Variants in CAMKMT observed in about 807,000 individuals in gnomAD.
The protein encoded by CAMKMT is CaM KMT.
Under a neutral mutation model 48.0 loss-of-function variants are expected in CAMKMT, and 53 were observed. The observed-to-expected ratio is 1.10, with a 90% CI of 0.89 to 1.39. The LOEUF (loss-of-function observed/expected upper bound fraction) is 1.39, where lower values mean the gene tolerates loss of function less well. CAMKMT is among the 40% of genes most tolerant of loss of function. CAMKMT has a pLI of 0.00. For missense variants in CAMKMT, 428 were observed against 402.7 expected (o/e 1.06, Z -0.54); for synonymous variants, 165 against 152.3 (o/e 1.08, Z -0.61).
At chr2:44,700,954 A>G (rs1360432099) in intron 3 of CAMKMT, among the ~76,000 whole-genome samples, 1 of 152,202 alleles carries the variant, frequency 6.6e-6, no homozygotes, top group African/African-American at 2.4e-5. Flanking sequence ...AGTCCCATCT[A>G]TGTTGTAGCA....
At chr2:44,704,799 C>G (rs1414339440) in intron 4 of CAMKMT, among the ~76,000 whole-genome samples, 1 of 151,898 alleles carries the variant, frequency 6.6e-6, no homozygotes, top group Non-Finnish European at 1.5e-5. Flanking sequence ...CCATCCCACC[C>G]CTGGTTTTAA....
chr2:44,439,850 G>A (rs934638533), intron 3 of CAMKMT, among the ~76,000 whole-genome samples: 1 of 151,814 alleles, frequency 6.6e-6, no homozygotes, highest in African/African-American at 2.4e-5. Flanking sequence ...ATGCTGGGAG[G>A]ACTTACATCC....
intron 3 of CAMKMT, among the ~76,000 whole-genome samples, chr2:44,423,653 G>T (rs1400350972): frequency 7.9e-5 from 12 of 152,174 alleles, no homozygotes; most frequent in African/African-American, 2.7e-4. Context: ...TGAACTGCTG[G>T]AGAGCAGGAA....
chr2:44,746,728 A>G (rs1371771542), intron 8 of CAMKMT, among the ~76,000 whole-genome samples: 2 of 152,106 alleles, frequency 1.3e-5, no homozygotes, highest in African/African-American at 2.4e-5. Context: ...ACAGGTGTAG[A>G]AAAAAAACCT....
chr2:44,588,051 G>T (rs1336421657), intron 3 of CAMKMT, among the ~76,000 whole-genome samples: 1 of 142,470 alleles, frequency 7.0e-6, no homozygotes, highest in Admixed American at 7.1e-5. Context: ...CTTCCCCGCC[G>T]CCCATCGTCT....
intron 3 of CAMKMT, among the ~76,000 whole-genome samples, chr2:44,619,033 C>A (rs1408115348): frequency 2.6e-5 from 4 of 152,074 alleles, no homozygotes; most frequent in East Asian, 1.9e-4. Context: ...TATTCTGTGA[C>A]CTTTGGTCCA....
At chr2:44,592,677 A>G (rs1670370449) in intron 3 of CAMKMT, among the ~76,000 whole-genome samples, 1 of 152,204 alleles carries the variant, frequency 6.6e-6, no homozygotes, top group Non-Finnish European at 1.5e-5. Context: ...ATAGGAAAAA[A>G]CATAGTATAT....
At chr2:44,520,205 C>T (rs1249639609) in intron 3 of CAMKMT, among the ~76,000 whole-genome samples, 1 of 151,790 alleles carries the variant, frequency 6.6e-6, no homozygotes, top group African/African-American at 2.4e-5. Context: ...GGCGACAGAG[C>T]GAGACTCTGT....
At chr2:44,679,861 T>C (rs919013438) in intron 3 of CAMKMT, among the ~76,000 whole-genome samples, 20 of 152,236 alleles carry the variant, frequency 1.3e-4, no homozygotes, top group African/African-American at 4.6e-4. Flanking sequence ...CTGCCTGCAC[T>C]TCCTTTGGCA....
At chr2:44,608,050 G>A (rs1484316759) in intron 3 of CAMKMT, among the ~76,000 whole-genome samples, 2 of 148,282 alleles carry the variant, frequency 1.3e-5, no homozygotes, top group East Asian at 3.9e-4. Flanking sequence ...TATACCAATA[G>A]ATATTTAAAA....
At chr2:44,587,784 A>G (rs374476560) in intron 3 of CAMKMT, among the ~76,000 whole-genome samples, 17,326 of 137,086 alleles carry the variant, frequency 0.13, 1,017 homozygotes, top group East Asian at 0.15. Context: ...TCAGTGCTCA[A>G]TGGTGCCCAG....
intron 3 of CAMKMT, among the ~76,000 whole-genome samples, chr2:44,458,222 T>C (rs985899338): frequency 2.0e-5 from 3 of 152,090 alleles, no homozygotes; most frequent in Admixed American, 2.0e-4. Context: ...AATTTTTGTA[T>C]TTTTAGTAGA....
At chr2:44,532,846 G>T (rs1666564060) in intron 3 of CAMKMT, among the ~76,000 whole-genome samples, 1 of 148,930 alleles carries the variant, frequency 6.7e-6, no homozygotes, top group Non-Finnish European at 1.5e-5. Context: ...ACAGAGTCTC[G>T]CTGTCACCCA....
At chr2:44,447,660 C>T (rs1468154644) in intron 3 of CAMKMT, among the ~76,000 whole-genome samples, 1 of 152,188 alleles carries the variant, frequency 6.6e-6, no homozygotes, top group African/African-American at 2.4e-5. Context: ...GCACAGTAAC[C>T]CATGTACTAC....
intron 3 of CAMKMT, among the ~76,000 whole-genome samples, chr2:44,543,043 C>T (rs1160502753): frequency 1.3e-5 from 2 of 152,248 alleles, no homozygotes; most frequent in Admixed American, 1.3e-4. Flanking sequence ...TGCAAATTAT[C>T]GTTTACTAGT....
At chr2:44,435,873 A>G (rs1023668461) in intron 3 of CAMKMT, among the ~76,000 whole-genome samples, 6 of 152,180 alleles carry the variant, frequency 3.9e-5, no homozygotes, top group African/African-American at 1.4e-4. Flanking sequence ...TCTTTGTCTA[A>G]TGGAGCACGA....
At chr2:44,719,406 C>T (rs1678343512) in intron 7 of CAMKMT, among the ~76,000 whole-genome samples, 1 of 152,152 alleles carries the variant, frequency 6.6e-6, no homozygotes, top group Non-Finnish European at 1.5e-5. Context: ...ATTTTGACCA[C>T]CTTCTGTTTG....
At chr2:44,508,828 G>T (rs1380840113) in intron 3 of CAMKMT, among the ~76,000 whole-genome samples, 4 of 152,122 alleles carry the variant, frequency 2.6e-5, no homozygotes, top group Admixed American at 1.3e-4. Flanking sequence ...GGGTGTGGTG[G>T]CTCACGCCTG....
At chr2:44,445,393 G>A (rs899561573) in intron 3 of CAMKMT, among the ~76,000 whole-genome samples, 3 of 152,110 alleles carry the variant, frequency 2.0e-5, no homozygotes, top group African/African-American at 7.2e-5. Context: ...CTTTCTAGAT[G>A]AGTAGCCATT....
Sources: allele counts gnomAD v4.1 joint callset (sites outside exome capture counted in the v4.1 genomes callset), GRCh38; gene constraint gnomAD v4.1.1; transcripts MANE v1.5; gene names NCBI Gene and HGNC (gene_info 2026-07-23, HGNC 2026-07-21).